The following ARHGEF38 variants were observed in gnomAD, a reference collection of about 807,000 sequenced individuals.
ARHGEF38 encodes the protein Rho guanine nucleotide exchange factor (GEF) 38.
ARHGEF38 carries 79 observed loss-of-function variants against 79.9 expected under a neutral mutation model. That is an observed-to-expected ratio of 0.99 (90% CI 0.82 to 1.19). The LOEUF is 1.19. ARHGEF38 is among the 50% of genes most tolerant of loss of function. ARHGEF38 has a pLI of 0.00. For synonymous variants in ARHGEF38, 366 were observed against 328.3 expected (o/e 1.11, Z -1.24); for missense variants, 962 against 907.2 (o/e 1.06, Z -0.78).
At chr4:105,617,563 A>G (rs575036900) in intron 3 of ARHGEF38, among the ~76,000 whole-genome samples, 3 of 152,192 alleles carry the variant, frequency 2.0e-5, no homozygotes, top group African/African-American at 4.8e-5. Context: ...TTGAAGCACC[A>G]CTTTACAAAT....
intron 13 of ARHGEF38, among the ~76,000 whole-genome samples, chr4:105,674,335 T>C (rs539896878): frequency 6.5e-4 from 99 of 152,140 alleles, no homozygotes; most frequent in African/African-American, 2.1e-3. Context: ...TTTTAAAAAG[T>C]GCCAAGGAAA....
chr4:105,669,368 A>G (rs1465598414), intron 13 of ARHGEF38, among the ~76,000 whole-genome samples: 1 of 152,176 alleles, frequency 6.6e-6, no homozygotes, highest in Non-Finnish European at 1.5e-5. Context: ...AATTTCAAAC[A>G]ATATTTCAAG....
At chr4:105,575,751 A>C (rs1726465399) in intron 1 of ARHGEF38, among the ~76,000 whole-genome samples, 2 of 151,990 alleles carry the variant, frequency 1.3e-5, no homozygotes, top group Non-Finnish European at 2.9e-5. Context: ...GAGTTTTTTC[A>C]AAGTTATCTT....
intron 2 of ARHGEF38, among the ~76,000 whole-genome samples, chr4:105,596,466 A>G (rs1213143801): frequency 6.6e-6 from 1 of 152,188 alleles, no homozygotes; most frequent in East Asian, 1.9e-4. Flanking sequence ...AGAACACAGT[A>G]TAGATCCAAG....
chr4:105,559,383 C>T (rs150839913), intron 1 of ARHGEF38, among the ~76,000 whole-genome samples: 1 of 152,168 alleles, frequency 6.6e-6, no homozygotes, highest in African/African-American at 2.4e-5. Context: ...AGGCCTAAGG[C>T]ACAATTGATG....
In ARHGEF38 at chr4:105,652,420, G is replaced by A. The variant is rs568331984; in HGVS notation, c.1009-1645G>A. On this transcript the variant is annotated intron_variant, in intron 7 of 13. Coordinates refer to ENST00000420470, the MANE Select transcript of ARHGEF38 (RefSeq NM_001242729.2). ...TAAATCATTAACCAGGGTTATGAGAGCACATAGGAGAGAGCAATTAATTTT... is the reference window on the plus strand; with the variant it reads ...TAAATCATTAACCAGGGTTATGAGAACACATAGGAGAGAGCAATTAATTTT... Among the ~76,000 whole-genome samples, 79 of 152,178 alleles carry A rather than the reference G, an allele frequency of 5.2e-4. 1 individual carries two copies. Among genetic ancestry groups the A allele is most frequent in the Non-Finnish European group, 4.7e-4 (32 of 68,034 alleles).
chr4:105,638,374 C>T (rs1729484957), intron 5 of ARHGEF38, among the ~76,000 whole-genome samples: 2 of 152,070 alleles, frequency 1.3e-5, no homozygotes, highest in South Asian at 4.2e-4. Context: ...GAAAAAAATG[C>T]CTATTCTAAA....
chr4:105,593,842 A>T (rs1727453775), intron 2 of ARHGEF38, among the ~76,000 whole-genome samples: 1 of 152,134 alleles, frequency 6.6e-6, no homozygotes, highest in African/African-American at 2.4e-5. Context: ...GGTGTCTTAG[A>T]CCATGCCAGG....
chr4:105,651,576 A>G (rs887906811), intron 7 of ARHGEF38, among the ~76,000 whole-genome samples: 13 of 152,192 alleles, frequency 8.5e-5, no homozygotes, highest in African/African-American at 3.1e-4. Context: ...ACTAGGGTAA[A>G]GACAACATAT....
At chr4:105,674,475 G>T (rs562964601) in intron 13 of ARHGEF38, among the ~76,000 whole-genome samples, 1 of 152,158 alleles carries the variant, frequency 6.6e-6, no homozygotes, top group Admixed American at 6.5e-5. Flanking sequence ...AAGATAATGA[G>T]AAATCTTTCA....
chr4:105,620,983 C>G (rs1728714521), intron 3 of ARHGEF38, among the ~76,000 whole-genome samples: 1 of 152,180 alleles, frequency 6.6e-6, no homozygotes, highest in African/African-American at 2.4e-5. Flanking sequence ...AGTTGAGATA[C>G]CTTACTGGAA....
intron 2 of ARHGEF38, among the ~76,000 whole-genome samples, chr4:105,598,794 GA>G (rs908302431): frequency 6.0e-4 from 87 of 144,762 alleles, no homozygotes; most frequent in African/African-American, 1.8e-3. Context: ...CATAAAGTCA[GA>G]AAAAAAAAAC....
At chr4:105,561,524 A>AGAATGGAATGGAATG (rs1725621279) in intron 1 of ARHGEF38, 2 of 142,028 alleles carry the variant, frequency 1.4e-5, no homozygotes, top group South Asian at 2.2e-4. Context: ...AGAATAGAAT[A>AGAATGGAATGGAATG]GAATAGAATA....
chr4:105,674,713 A>T (rs1173590366), intron 13 of ARHGEF38, among the ~76,000 whole-genome samples: 8 of 152,108 alleles, frequency 5.3e-5, no homozygotes, highest in Non-Finnish European at 7.4e-5. Context: ...GATTATCTAA[A>T]GCATTGAAAG....
At chr4:105,608,162 G>T (rs1039975791) in intron 2 of ARHGEF38, among the ~76,000 whole-genome samples, 1 of 151,988 alleles carries the variant, frequency 6.6e-6, no homozygotes, top group Non-Finnish European at 1.5e-5. Context: ...CATAATGGCT[G>T]TACTAATTTA....
chr4:105,606,841 T>C lies in ARHGEF38; in HGVS notation c.385-6543T>C, dbSNP rs1199335419. The stretch of plus-strand genomic sequence containing the variant: ...CAGAGAAAAATAATCTAGAAAAACA[T>C]ATCTGAAAACATTATTAGTGGCTAT... On this transcript the variant is annotated intron_variant, in intron 2 of 13. Coordinates refer to ENST00000420470, the MANE Select transcript of ARHGEF38 (RefSeq NM_001242729.2). Among the ~76,000 whole-genome samples the C allele has an allele frequency of 2.0e-5, 3 of 152,150 alleles. No individual in the cohort carries two copies. The East Asian group carries it at 5.8e-4, about 29-fold the overall frequency.
intron 1 of ARHGEF38, among the ~76,000 whole-genome samples, chr4:105,567,054 A>T (rs756186410): frequency 5.3e-5 from 8 of 152,064 alleles, no homozygotes; most frequent in Middle Eastern, 3.2e-3. Flanking sequence ...TCCTTTTACT[A>T]TCTATCTTCA....
chr4:105,582,404 T>A (rs946803429), intron 1 of ARHGEF38, among the ~76,000 whole-genome samples: 5 of 152,020 alleles, frequency 3.3e-5, no homozygotes, highest in African/African-American at 1.2e-4. Flanking sequence ...AGCAGTGCTT[T>A]ACCTACATTC....
chr4:105,626,732 CTGG>C (rs1165050726), intron 3 of ARHGEF38, among the ~76,000 whole-genome samples: 2 of 152,096 alleles, frequency 1.3e-5, no homozygotes, highest in African/African-American at 4.8e-5. Flanking sequence ...AAAACACAAT[CTGG>C]TCAGTTACCT....
Sources: gnomAD v4.1 joint callset for allele counts (sites outside exome capture counted in the v4.1 genomes callset) on GRCh38, gnomAD v4.1.1 for gene constraint, MANE v1.5 for transcripts, NCBI Gene and HGNC (gene_info 2026-07-23, HGNC 2026-07-21) for gene names.